Variants in UTP25 observed in about 807,000 individuals in gnomAD.
UTP25 encodes U3 small nucleolar RNA-associated protein 25 homolog.
Under a neutral mutation model 78.9 loss-of-function variants are expected in UTP25, and 50 were observed. That is an observed-to-expected ratio of 0.63 (90% CI 0.50 to 0.80). The LOEUF (loss-of-function observed/expected upper bound fraction) is 0.80, where lower values mean the gene tolerates loss of function less well. UTP25 is among the 30% of genes least tolerant of loss of function. The pLI is 0.00. For missense variants in UTP25, 846 were observed against 911.3 expected, an observed-to-expected ratio of 0.93 and a Z score of 0.92; for synonymous variants, 329 against 336.5, an observed-to-expected ratio of 0.98 and a Z score of 0.24.
chr1:209,838,704 G>T, intron 6 of UTP25: 1 of 612,516 alleles, frequency 1.6e-6, no homozygotes, highest in Non-Finnish European at 2.9e-6. Flanking sequence ...TCTGAAGTCC[G>T]CAGGTCATGG....
intron 11 of UTP25, chr1:209,844,435 A>G (rs901085827): frequency 6.6e-6 from 1 of 152,252 alleles, no homozygotes; most frequent in African/African-American, 2.4e-5. Context: ...GTTCAAGACC[A>G]TCCCGGCTAA....
At position 209,837,125 on chromosome 1, in the gene UTP25, C is replaced by T; in HGVS notation, c.976C>T (p.Leu326Phe). 1 of 1,614,128 alleles carries T rather than the reference C, an allele frequency of 6.2e-7. No homozygotes were observed. Among genetic ancestry groups the T allele is most frequent in the Non-Finnish European group, 8.5e-7 (1 of 1,180,000 alleles). ...CATCCTCAAAGCCAATGCCCAGGTG[C>T]TTGGCAACAATAGCAGACGCCGAAG... ...NHILKANAQV[L>F]GNNSRRRSQK... Residue 326 changes from leucine (L) to phenylalanine (F), a missense_variant, in exon 6 of 12, where the codon CTT becomes TTT. By Grantham distance (22) the Leu-to-Phe change is conservative. Coordinates refer to ENST00000491415, the MANE Select transcript of UTP25 (RefSeq NM_014388.7).
intron 3 of UTP25, among the ~76,000 whole-genome samples, chr1:209,831,630 T>C (rs1244403310): frequency 1.3e-5 from 2 of 152,312 alleles, no homozygotes; most frequent in East Asian, 1.9e-4. Flanking sequence ...AAATATACAG[T>C]CTGACAGGTT....
intron 11 of UTP25, among the ~76,000 whole-genome samples, chr1:209,845,806 A>T (rs1475673020): frequency 4.1e-5 from 6 of 144,674 alleles, no homozygotes; most frequent in East Asian, 2.0e-4. Flanking sequence ...TGCCTTTGTG[A>T]TTTTTTTTTT....
chr1:209,838,066 C>T (rs2078144240), intron 6 of UTP25, among the ~76,000 whole-genome samples: 1 of 152,210 alleles, frequency 6.6e-6, no homozygotes, highest in Non-Finnish European at 1.5e-5. Context: ...AAATCTTGGT[C>T]CACCATCTCT....
chr1:209,833,608 T>G (rs2078116041), intron 4 of UTP25, among the ~76,000 whole-genome samples: 1 of 152,122 alleles, frequency 6.6e-6, no homozygotes, highest in Non-Finnish European at 1.5e-5. Flanking sequence ...ACATTTTCAT[T>G]ATTGGAGTCA....
chr1:209,830,719 A>AATAG, intron 2 of UTP25, 84 bp from the exon 3 acceptor site: 1 of 1,511,408 alleles, frequency 6.6e-7, no homozygotes, highest in Non-Finnish European at 8.8e-7. Context: ...GGCTTCGTTG[A>AATAG]ATAGATGTTG....
At chr1:209,835,690 A>T (rs2078129147) in intron 5 of UTP25, among the ~76,000 whole-genome samples, 1 of 152,122 alleles carries the variant, frequency 6.6e-6, no homozygotes. Flanking sequence ...AGAGTTGGTC[A>T]TCCTTTTTTT....
At chr1:209,835,047 G>T in intron 4 of UTP25, 28 bp from the exon 5 acceptor site, 1 of 1,586,774 alleles carries the variant, frequency 6.3e-7, no homozygotes, top group Non-Finnish European at 8.6e-7. Context: ...GTTGCATAGT[G>T]TGCTGACATT....
chr1:209,837,159 T>C lies in UTP25; in HGVS notation c.1010T>C (p.Phe337Ser), dbSNP rs1304988785. 4 of 1,613,764 alleles carry C rather than the reference T, an allele frequency of 2.5e-6. No individual in the cohort carries two copies. Among genetic ancestry groups the C allele is most frequent in the Non-Finnish European group, 3.4e-6 (4 of 1,179,976 alleles). ...GNNSRRRSQK[F>S]GVGDDDDFRD... ...AATAGCAGACGCCGAAGCCAGAAGT[T>C]TGGAGTGGGTGATGATGATGACTTC... is the stretch of plus-strand genomic sequence containing the variant. The change falls in exon 6 of 12, where the codon TTT (phenylalanine) becomes TCT (serine). Residue 337 changes from phenylalanine (F) to serine (S), a missense_variant. Phe to Ser is a radical substitution (Grantham distance 155). Coordinates refer to ENST00000491415, the MANE Select transcript of UTP25 (RefSeq NM_014388.7).
chr1:209,851,998 C>G lies in UTP25; in HGVS notation c.*551C>G, dbSNP rs1356757846. The G allele has an allele frequency of 6.6e-6, 1 of 152,164 alleles. No homozygotes were observed. Among genetic ancestry groups the G allele is most frequent in the African/African-American group, 2.4e-5 (1 of 41,436 alleles). 9.4% of individuals were successfully genotyped at this position (152,164 alleles called of 1,614,324 possible). A position where few individuals can be genotyped will look rare whatever the true frequency, so the allele number is the denominator to read the frequency against. ...CAGCCTAGAAGAGTACATTGATTTACTGATCTTTTTTCATATTCATAATAC... is the reference window on the plus strand; with the variant it reads ...CAGCCTAGAAGAGTACATTGATTTAGTGATCTTTTTTCATATTCATAATAC... On this transcript the variant is annotated 3_prime_UTR_variant, in exon 12 of 12. Transcript: ENST00000491415.
chr1:209,831,022 G>T lies in UTP25; in HGVS notation c.367G>T (p.Glu123Ter). The change falls in exon 3 of 12, where the codon GAG becomes TAG. Residue 123 changes from glutamate (E) to a stop codon, truncating the protein, a stop_gained. Transcript: ENST00000491415. LOFTEE classifies it high-confidence loss of function. ...CAGTGTGGAAGAAGAGATGGCTGCAGAGTCTACTGAAAGTCCAGAGAGTAA... is the reference window on the plus strand; with the variant it reads ...CAGTGTGGAAGAAGAGATGGCTGCATAGTCTACTGAAAGTCCAGAGAGTAA... ...DVSVEEEMAAESTESPENVAL... is the reference protein window; with the variant it reads ...DVSVEEEMAA 5 of 1,614,136 alleles carry T rather than the reference G, an allele frequency of 3.1e-6. No homozygotes were observed. Among genetic ancestry groups the T allele is most frequent in the Non-Finnish European group, 4.2e-6 (5 of 1,179,996 alleles).
Position 209,857,152 on chromosome 1 carries a change from T to G in UTP25, c.*5705T>G. Reference sequence around the variant, plus strand: ...ATTCCTTCAAGGATGGGGTGCTCATTGTGGCTTTTCTAATCATCTCTGATT... The same window carrying G: ...ATTCCTTCAAGGATGGGGTGCTCATGGTGGCTTTTCTAATCATCTCTGATT... On this transcript the variant is annotated 3_prime_UTR_variant, in exon 12 of 12. Coordinates refer to ENST00000491415, the MANE Select transcript of UTP25 (RefSeq NM_014388.7). The G allele has an allele frequency of 6.6e-6, 1 of 152,130 alleles. No individual in the cohort carries two copies. The highest frequency in any genetic ancestry group is 1.9e-4 in the East Asian group (1 of 5,186). The allele number at this position is 152,130 out of a possible 1,614,324, so 9.4% of individuals were successfully genotyped here.
Position 209,829,961 on chromosome 1 carries a change from C to T in UTP25, c.108-147C>T, listed in dbSNP as rs1406652118. ...TTAACCATATTCTTGCCAGCCCTGC[C>T]CAAGTGCATGTGTAATTTTTGCATG... is the stretch of plus-strand genomic sequence containing the variant. On this transcript the variant is annotated intron_variant, in intron 1 of 11. Transcript: ENST00000491415. The T allele has an allele frequency of 6.4e-6, 4 of 626,156 alleles. No homozygotes were observed. The African/African-American group carries it at 7.5e-5, about 12-fold the overall frequency. 38.8% of individuals were successfully genotyped at this position (626,156 alleles called of 1,614,324 possible).
rs1039982760 is a variant in UTP25 at position 209,836,977 on chromosome 1, C to G, written c.828C>G (p.Thr276=). 1.2e-6 allele frequency: 2 copies of G among 1,614,092 alleles called. No homozygotes were observed. The highest frequency in any genetic ancestry group is 1.7e-6 in the Non-Finnish European group (2 of 1,180,010). ...CCCAAAAATCAAGCAGCCCATTCAC[C>G]CCCCTCCAGAAAGAACTCTTCTTAA... The part of the protein sequence containing the change: ...SGPQKSSSPF[T]PLQKELFLIM... The change falls in exon 6 of 12, where the codon ACC becomes ACG. Residue 276 remains threonine, a synonymous_variant. Transcript: ENST00000491415.
In UTP25 at chr1:209,843,712, G is replaced by A; in HGVS notation, c.2027+16G>A. On this transcript the variant is annotated intron_variant, in intron 11 of 11. Coordinates refer to ENST00000491415, the MANE Select transcript of UTP25 (RefSeq NM_014388.7). ...TCTACAAAAGGTAAAGTGGTGCCAG[G>A]TTTCAAGCCTCCTCTCTGAAGGGGA... 1.2e-6 allele frequency: 2 copies of A among 1,608,634 alleles called. No homozygotes were observed. Among genetic ancestry groups the A allele is most frequent in the Non-Finnish European group, 1.7e-6 (2 of 1,176,496 alleles).
rs1026835631 is a variant in UTP25, at chr1:209,854,415, G to C, written c.*2968G>C. The C allele has an allele frequency of 6.6e-6, 1 of 152,216 alleles. No homozygotes were observed. Among genetic ancestry groups the C allele is most frequent in the African/African-American group, 2.4e-5 (1 of 41,442 alleles). 9.4% of individuals were successfully genotyped at this position (152,216 alleles called of 1,614,324 possible). A position where few individuals can be genotyped will look rare whatever the true frequency, so the allele number is the denominator to read the frequency against. ...AAAACAAGAACAAGCTAATCATAGA[G>C]AACCAGCAGCAGCTAAACAGCCCTC... On this transcript the variant is annotated 3_prime_UTR_variant, in exon 12 of 12. Transcript: ENST00000491415.
At chr1:209,835,307 G>T (rs2078126974) in intron 5 of UTP25, 144 bp downstream of exon 5, 1 of 664,006 alleles carries the variant, frequency 1.5e-6, no homozygotes, top group Non-Finnish European at 2.6e-6. Context: ...AGGAAGGCTA[G>T]AAGAGCCTAG....
chr1:209,845,284 T>A (rs1327354321), intron 11 of UTP25, among the ~76,000 whole-genome samples: 3 of 152,232 alleles, frequency 2.0e-5, no homozygotes, highest in African/African-American at 7.2e-5. Flanking sequence ...CTTGTTGCCC[T>A]CATTATTTGC....
Sources: gnomAD v4.1 joint callset for allele counts (sites outside exome capture counted in the v4.1 genomes callset) on GRCh38, gnomAD v4.1.1 for gene constraint, MANE v1.5 for transcripts, NCBI Gene and HGNC (gene_info 2026-07-23, HGNC 2026-07-21) for gene names.